Variants in GSK3B observed in about 807,000 individuals in gnomAD.
GSK3B encodes the protein glycogen synthase kinase-3 beta.
GSK3B carries 15 observed loss-of-function variants against 56.4 expected under a neutral mutation model. The observed-to-expected ratio is 0.27, with a 90% CI of 0.18 to 0.41. The LOEUF (loss-of-function observed/expected upper bound fraction) is 0.41, where lower values mean the gene tolerates loss of function less well. GSK3B is among the 10% of genes least tolerant of loss of function. GSK3B has a pLI of 1.00. For synonymous variants in GSK3B, 181 were observed against 188.9 expected (o/e 0.96, Z 0.34); for missense variants, 300 against 513.4 (o/e 0.58, Z 4.02).
chr3:120,010,295 A>G (rs1428088267), intron 1 of GSK3B, among the ~76,000 whole-genome samples: 3 of 152,164 alleles, frequency 2.0e-5, no homozygotes, highest in Non-Finnish European at 4.4e-5. Flanking sequence ...TTTCAAGCTG[A>G]CTATAAACCT....
chr3:120,083,906 T>C lies in GSK3B; in HGVS notation c.88+9441A>G, dbSNP rs184495235. ...CATGTATTACATAAATCCATTTATA[T>C]GAAATGTCCAGAACAGGCAAATCTA... On this transcript the variant is annotated intron_variant, in intron 1 of 10. Coordinates refer to ENST00000264235, the MANE Select transcript of GSK3B (RefSeq NM_001146156.2). Among the ~76,000 whole-genome samples the C allele has an allele frequency of 7.9e-5, 12 of 152,330 alleles. No individual in the cohort carries two copies. In the South Asian group the frequency reaches 1.7e-3, roughly 21 times the overall value.
chr3:120,012,694 T>G (rs1008216513), intron 1 of GSK3B, among the ~76,000 whole-genome samples: 1 of 152,184 alleles, frequency 6.6e-6, no homozygotes, highest in Non-Finnish European at 1.5e-5. Flanking sequence ...TTTTTCTTTT[T>G]TAAGAGACAG....
Position 119,834,016 on chromosome 3 carries a change from G to T in GSK3B, c.1196-7161C>A, listed in dbSNP as rs756450791. ...CCCCGCCAGGTATATTTTTATTCCCGTATTTCCTTTACTACGCTCTTGCCC... is the reference window on the plus strand; with the variant it reads ...CCCCGCCAGGTATATTTTTATTCCCTTATTTCCTTTACTACGCTCTTGCCC... On this transcript the variant is annotated intron_variant, in intron 10 of 10. Coordinates refer to ENST00000264235, the MANE Select transcript of GSK3B (RefSeq NM_001146156.2). Among the ~76,000 whole-genome samples, 4 of 151,964 alleles carry T rather than the reference G, an allele frequency of 2.6e-5. 1 individual carries two copies. Among genetic ancestry groups the T allele is most frequent in the Admixed American group, 2.6e-4 (4 of 15,250 alleles).
chr3:119,963,466 G>A (rs1015064596), intron 2 of GSK3B, among the ~76,000 whole-genome samples: 5 of 151,706 alleles, frequency 3.3e-5, no homozygotes, highest in South Asian at 4.2e-4. Flanking sequence ...AATCAAAACA[G>A]TATGATACAA....
In GSK3B at chr3:119,861,527, AAAC is replaced by A. The variant is rs1559812146; in HGVS notation, c.1096+1889_1096+1891del. Among the ~76,000 whole-genome samples, 3 of 149,424 alleles carry A rather than the reference AAAC, an allele frequency of 2.0e-5. No individual in the cohort carries two copies. The East Asian group carries it at 5.9e-4, about 29-fold the overall frequency. On this transcript the variant is annotated intron_variant, in intron 9 of 10. Transcript: ENST00000264235. ...CTCCGTCTCAAAAAAAAAAAAAACAAAACAAACAAACAAACAAACAAAAAAACC... is the reference window on the plus strand; with the variant it reads ...CTCCGTCTCAAAAAAAAAAAAAACAAAAACAAACAAACAAACAAAAAAACC...
At chr3:119,897,977 C>G (rs908803106) in intron 7 of GSK3B, among the ~76,000 whole-genome samples, 5 of 152,026 alleles carry the variant, frequency 3.3e-5, no homozygotes, top group Admixed American at 2.0e-4. Flanking sequence ...TGTACAGAAG[C>G]TCCTTGATTT....
chr3:119,989,699 G>C (rs2057546550), intron 2 of GSK3B, among the ~76,000 whole-genome samples: 2 of 150,968 alleles, frequency 1.3e-5, no homozygotes, highest in African/African-American at 4.9e-5. Flanking sequence ...CAACCAAACA[G>C]ATTCTTGGTT....
At chr3:120,042,867 A>C (rs565810710) in intron 1 of GSK3B, among the ~76,000 whole-genome samples, 1 of 152,152 alleles carries the variant, frequency 6.6e-6, no homozygotes, top group African/African-American at 2.4e-5. Flanking sequence ...CATGGACCAA[A>C]TGTCTTCCAA....
In GSK3B at chr3:120,093,947, CGCT is replaced by C. The variant is rs1333972031; in HGVS notation, c.-516_-514del. The C allele has an allele frequency of 4.8e-6, 1 of 210,474 alleles. No individual in the cohort carries two copies. Among genetic ancestry groups the C allele is most frequent in the African/African-American group, 2.3e-5 (1 of 43,328 alleles). 13.0% of individuals were successfully genotyped at this position (210,474 alleles called of 1,614,324 possible). On this transcript the variant is annotated 5_prime_UTR_variant, in exon 1 of 11. Transcript: ENST00000264235. ...GGTGGCTCGGAGATGCGACGGGAAA[CGCT>C]GCAGCTCCGGCAAGCCGCGGGATCC... is the stretch of plus-strand genomic sequence containing the variant.
intron 2 of GSK3B, among the ~76,000 whole-genome samples, chr3:119,993,185 G>A (rs990399267): frequency 2.0e-5 from 3 of 151,630 alleles, no homozygotes; most frequent in Non-Finnish European, 4.4e-5. Context: ...GCAGGTATGT[G>A]TAAAACAAAA....
chr3:119,917,157 TA>T (rs1357571616), intron 4 of GSK3B, among the ~76,000 whole-genome samples: 2 of 152,060 alleles, frequency 1.3e-5, no homozygotes, highest in Non-Finnish European at 2.9e-5. Context: ...AAAAGATACT[TA>T]AAAGTCTAAT....
At chr3:119,884,420 T>C (rs1257975439) in intron 7 of GSK3B, among the ~76,000 whole-genome samples, 1 of 152,110 alleles carries the variant, frequency 6.6e-6, no homozygotes, top group East Asian at 1.9e-4. Context: ...AAAGAACAAA[T>C]ATTTATTAAG....
chr3:119,926,524 C>G (rs893016821), intron 3 of GSK3B, among the ~76,000 whole-genome samples: 1 of 152,134 alleles, frequency 6.6e-6, no homozygotes, highest in Admixed American at 6.6e-5. Flanking sequence ...AAATGGTCTG[C>G]TTCTACCCTT....
At chr3:119,949,668 C>G (rs2057135216) in intron 2 of GSK3B, among the ~76,000 whole-genome samples, 1 of 151,744 alleles carries the variant, frequency 6.6e-6, no homozygotes, top group Admixed American at 6.6e-5. Context: ...GAGGTTTTGA[C>G]CAGGAAAGTG....
chr3:119,844,131 C>T (rs1222939217), intron 9 of GSK3B, among the ~76,000 whole-genome samples: 1 of 152,060 alleles, frequency 6.6e-6, no homozygotes, highest in Non-Finnish European at 1.5e-5. Flanking sequence ...CCAATGAGAA[C>T]AAAGACACAA....
At chr3:119,898,198 CTATTAAA>C (rs1216640622) in intron 7 of GSK3B, among the ~76,000 whole-genome samples, 1 of 152,148 alleles carries the variant, frequency 6.6e-6, no homozygotes, top group Non-Finnish European at 1.5e-5. Context: ...CTCATGTAAC[CTATTAAA>C]TATTGTCTTA....
intron 2 of GSK3B, among the ~76,000 whole-genome samples, chr3:119,993,145 GAAAA>G (rs57361961): frequency 1.5e-5 from 2 of 131,156 alleles, no homozygotes; most frequent in Non-Finnish European, 3.3e-5. Context: ...GTGTAAGGAA[GAAAA>G]AAAAAAAAAG....
intron 1 of GSK3B, among the ~76,000 whole-genome samples, chr3:120,074,353 T>C (rs201047000): frequency 4.0e-4 from 29 of 71,648 alleles, no homozygotes; most frequent in African/African-American, 2.0e-3. Context: ...CATGAGAAAC[T>C]TTTTTTTTTT....
At chr3:119,928,421 C>T (rs925117869) in intron 3 of GSK3B, among the ~76,000 whole-genome samples, 1 of 150,990 alleles carries the variant, frequency 6.6e-6, no homozygotes, top group Admixed American at 6.6e-5. Flanking sequence ...CTGGCTAACA[C>T]GGTGAAACCC....
Sources: gnomAD v4.1 joint callset for allele counts (sites outside exome capture counted in the v4.1 genomes callset) on GRCh38, gnomAD v4.1.1 for gene constraint, MANE v1.5 for transcripts, NCBI Gene and HGNC (gene_info 2026-07-23, HGNC 2026-07-21) for gene names.